Variants in CAMTA1 observed in about 807,000 individuals in gnomAD.
The protein encoded by CAMTA1 is calmodulin binding transcription activator 1, also known as calmodulin-binding transcription activator 1.
In CAMTA1, 27 loss-of-function variants were observed where a neutral mutation model predicts 170.9. The observed-to-expected ratio is 0.16, with a 90% CI of 0.12 to 0.22. The LOEUF is 0.22. CAMTA1 is among the 10% of genes least tolerant of loss of function. CAMTA1 has a pLI of 1.00. For synonymous variants in CAMTA1, 833 were observed against 891.5 expected (o/e 0.93, Z 1.17); for missense variants, 1,619 against 2,217.2 (o/e 0.73, Z 5.42).
chr1:7,539,663 C>A (rs990228385), intron 6 of CAMTA1, among the ~76,000 whole-genome samples: 1 of 152,206 alleles, frequency 6.6e-6, no homozygotes, highest in South Asian at 2.1e-4. Context: ...AGGATGCTAT[C>A]GTTCTCATAC....
At chr1:7,141,219 GA>G (rs1645869341) in intron 4 of CAMTA1, among the ~76,000 whole-genome samples, 2 of 152,110 alleles carry the variant, frequency 1.3e-5, no homozygotes, top group Non-Finnish European at 2.9e-5. Context: ...TTGCAAAGGT[GA>G]AAAGGTGATA....
At position 7,664,084 on chromosome 1, in the gene CAMTA1, C is replaced by T. The variant is rs539776304; in HGVS notation, c.1537C>T (p.Arg513Trp). 3.7e-6 allele frequency: 6 copies of T among 1,613,610 alleles called. No individual in the cohort carries two copies. Among genetic ancestry groups the T allele is most frequent in the East Asian group, 4.5e-5 (2 of 44,874 alleles). Residue 513 changes from arginine to tryptophan, a missense_variant, in exon 9 of 23, where the codon CGG (arginine) becomes TGG (tryptophan). This residue lies in a region of CAMTA1 where 731 missense variants were observed against 907.6 expected (regional missense o/e 0.81). Coordinates refer to ENST00000303635, the MANE Select transcript of CAMTA1 (RefSeq NM_015215.4). ...AGCCGAGATGGTCAGCTCCAACATCCGGCACTCGCCACCCGGGGAGCGGAG... is the reference window on the plus strand; with the variant it reads ...AGCCGAGATGGTCAGCTCCAACATCTGGCACTCGCCACCCGGGGAGCGGAG... Reference protein sequence around the residue: ...LKAEMVSSNIRHSPPGERSFS... With the variant: ...LKAEMVSSNIWHSPPGERSFS...
Position 7,050,160 on chromosome 1 carries a change from G to A in CAMTA1, c.235-41144G>A, listed in dbSNP as rs1305537409. On this transcript the variant is annotated intron_variant, in intron 3 of 22. Transcript: ENST00000303635. The surrounding 1 kb of genome is among the most constrained non-coding windows in gnomAD (Gnocchi z 4.8). ...GAGAGAGGACGTGGAAGGAGGTGAG[G>A]CCGGGGAAGTGACCGGCAGGGCCAC... Among the ~76,000 whole-genome samples the A allele has an allele frequency of 6.6e-6, 1 of 152,150 alleles. No individual in the cohort carries two copies. Among genetic ancestry groups the A allele is most frequent in the African/African-American group, 2.4e-5 (1 of 41,422 alleles).
At chr1:6,890,579 T>G (rs535572993) in intron 3 of CAMTA1, among the ~76,000 whole-genome samples, 2,184 of 151,864 alleles carry the variant, frequency 0.014, 29 homozygotes, top group South Asian at 0.026. Context: ...TTTTTTTTTT[T>G]TTGTTGAGGT....
chr1:7,265,311 A>AT (rs947442416), intron 5 of CAMTA1, among the ~76,000 whole-genome samples: 41 of 148,988 alleles, frequency 2.8e-4, no homozygotes, highest in African/African-American at 5.2e-4. Flanking sequence ...TAGCTTTTTA[A>AT]TTTTTTTTTT....
At position 7,299,554 on chromosome 1, in the gene CAMTA1, G is replaced by A. The variant is rs577036883; in HGVS notation, c.438+49928G>A. Among the ~76,000 whole-genome samples the A allele has an allele frequency of 3.9e-5, 6 of 152,190 alleles. No individual in the cohort carries two copies. Among genetic ancestry groups the A allele is most frequent in the African/African-American group, 1.4e-4 (6 of 41,452 alleles). Reference sequence around the variant, plus strand: ...GCTTCCAACCTCGCAATGAGCCAGCGGCTCCCCGGAGTCAGACGCTGGCCC... The same window carrying A: ...GCTTCCAACCTCGCAATGAGCCAGCAGCTCCCCGGAGTCAGACGCTGGCCC... On this transcript the variant is annotated intron_variant, in intron 5 of 22. Transcript: ENST00000303635. This position sits in a 1 kb window ranked among gnomAD's most constrained non-coding sequence, Gnocchi z 4.7.
chr1:7,020,137 T>C (rs1365236918), intron 3 of CAMTA1, among the ~76,000 whole-genome samples: 1 of 152,268 alleles, frequency 6.6e-6, no homozygotes, highest in Non-Finnish European at 1.5e-5. Flanking sequence ...CAGGCAATTC[T>C]GTTCAGGAGT....
chr1:6,932,192 C>G lies in CAMTA1; in HGVS notation c.234+106982C>G, dbSNP rs149418833. ...GATTGCTTCCTCCAGGGCCTCCCCCCTCCTCGCCAGGCAACCACCACTCTG... is the reference window on the plus strand; with the variant it reads ...GATTGCTTCCTCCAGGGCCTCCCCCGTCCTCGCCAGGCAACCACCACTCTG... On this transcript the variant is annotated intron_variant, in intron 3 of 22. Coordinates refer to ENST00000303635, the MANE Select transcript of CAMTA1 (RefSeq NM_015215.4). 1.6e-3 allele frequency among the ~76,000 whole-genome samples: 247 copies of G among 152,318 alleles called. 4 individuals carry two copies. In the East Asian group the frequency reaches 0.035, roughly 22 times the overall value.
intron 4 of CAMTA1, among the ~76,000 whole-genome samples, chr1:7,211,208 G>C (rs1427774361): frequency 1.3e-5 from 2 of 152,174 alleles, no homozygotes; most frequent in East Asian, 1.9e-4. Context: ...AGGCATGATA[G>C]TGTCTCGACT....
intron 6 of CAMTA1, among the ~76,000 whole-genome samples, chr1:7,557,202 G>T (rs754713421): frequency 2.0e-5 from 3 of 151,998 alleles, no homozygotes; most frequent in Non-Finnish European, 4.4e-5. Flanking sequence ...CAGCTACTCG[G>T]GAGGCTGAGG....
At chr1:7,599,332 G>A (rs1285023812) in intron 6 of CAMTA1, among the ~76,000 whole-genome samples, 1 of 152,162 alleles carries the variant, frequency 6.6e-6, no homozygotes, top group Non-Finnish European at 1.5e-5. Flanking sequence ...ATGCTGTTTT[G>A]GTTACTGTAG....
chr1:7,687,914 C>T (rs2096272360), intron 11 of CAMTA1, among the ~76,000 whole-genome samples: 1 of 151,862 alleles, frequency 6.6e-6, no homozygotes, highest in Non-Finnish European at 1.5e-5. Context: ...TTGCTGGGTG[C>T]AAGAATCGTG....
intron 5 of CAMTA1, among the ~76,000 whole-genome samples, chr1:7,356,973 T>C (rs1261371714): frequency 6.6e-6 from 1 of 152,170 alleles, no homozygotes; most frequent in East Asian, 1.9e-4. Context: ...CACACTCAGC[T>C]CCCTTCCCCC....
chr1:7,449,029 A>G (rs989042657), intron 5 of CAMTA1, among the ~76,000 whole-genome samples: 1 of 152,160 alleles, frequency 6.6e-6, no homozygotes, highest in East Asian at 1.9e-4. Context: ...TGATACCAAC[A>G]TGGTCTGTGG....
chr1:6,835,591 T>C (rs1652684286), intron 3 of CAMTA1, among the ~76,000 whole-genome samples: 1 of 152,186 alleles, frequency 6.6e-6, no homozygotes, highest in Admixed American at 6.5e-5. Flanking sequence ...CCTGAGGATG[T>C]GCATTTCTAA....
intron 3 of CAMTA1, among the ~76,000 whole-genome samples, chr1:6,980,675 C>T (rs754441972): frequency 3.3e-5 from 5 of 152,164 alleles, no homozygotes; most frequent in Non-Finnish European, 5.9e-5. Context: ...GTGACTAAGT[C>T]TCAGGAGATC....
intron 6 of CAMTA1, among the ~76,000 whole-genome samples, chr1:7,495,016 T>C (rs1430522531): frequency 6.6e-6 from 1 of 152,106 alleles, no homozygotes; most frequent in Non-Finnish European, 1.5e-5. Context: ...CTGCTTCTTG[T>C]CCTGAGAAAA....
intron 5 of CAMTA1, among the ~76,000 whole-genome samples, chr1:7,460,396 G>A (rs901957303): frequency 1.3e-5 from 2 of 152,178 alleles, no homozygotes; most frequent in Non-Finnish European, 2.9e-5. Flanking sequence ...TTGGTCTCGT[G>A]TGTTTGCCCG....
intron 7 of CAMTA1, among the ~76,000 whole-genome samples, chr1:7,648,026 A>G (rs35581380): frequency 0.069 from 10,468 of 152,208 alleles, 405 homozygotes; most frequent in Admixed American, 0.094. Context: ...TCAGGGCTGC[A>G]GTGAGCTGAG....
Sources: gnomAD v4.1 joint callset for allele counts (sites outside exome capture counted in the v4.1 genomes callset) on GRCh38, gnomAD v4.1.1 for gene constraint, gnomAD v4.1.1 regional missense constraint, Gnocchi (gnomAD v3.1) non-coding constraint, MANE v1.5 for transcripts, NCBI Gene and HGNC (gene_info 2026-07-23, HGNC 2026-07-21) for gene names.